Variants in NOSTRIN observed in about 807,000 individuals in gnomAD.
The protein encoded by NOSTRIN is nitric oxide synthase trafficking.
A neutral mutation model predicts 59.0 loss-of-function variants in NOSTRIN; 63 were observed. The ratio of observed to expected loss-of-function variants is 1.07; its 90% CI spans 0.87 to 1.32. The LOEUF (loss-of-function observed/expected upper bound fraction) is 1.32. NOSTRIN is among the 40% of genes most tolerant of loss of function. The probability of loss-of-function intolerance (pLI) is 0.00; values close to 1 mark genes in which losing one functional copy is unlikely to be tolerated. For missense variants in NOSTRIN, 512 were observed against 473.1 expected (o/e 1.08, Z -0.76); for synonymous variants, 200 against 165.4 (o/e 1.21, Z -1.61).
chr2:168,822,281 A>G (rs1686786083), intron 2 of NOSTRIN, among the ~76,000 whole-genome samples: 1 of 152,242 alleles, frequency 6.6e-6, no homozygotes, highest in South Asian at 2.1e-4. Flanking sequence ...AGGCCTTAGC[A>G]TACATCCTGC....
At chr2:168,798,327 A>G (rs1281817442), upstream of NOSTRIN, 1 of 152,190 alleles carries the variant, frequency 6.6e-6, no homozygotes, top group African/African-American at 2.4e-5. Context: ...TGGCTACTAA[A>G]GAAACTTCCA....
chr2:168,806,269 C>CA (rs962832640), intron 1 of NOSTRIN, among the ~76,000 whole-genome samples: 8 of 151,538 alleles, frequency 5.3e-5, no homozygotes, highest in Non-Finnish European at 8.8e-5. Context: ...CATCACTAAT[C>CA]AAAAAAAATC....
At position 168,807,135 on chromosome 2, in the gene NOSTRIN, C is replaced by A. The variant is rs1685894477; in HGVS notation, c.28-4432C>A. Among the ~76,000 whole-genome samples, 5 of 152,118 alleles carry A rather than the reference C, an allele frequency of 3.3e-5. 1 individual carries two copies. Among genetic ancestry groups the A allele is most frequent in the Non-Finnish European group, 7.4e-5 (5 of 68,026 alleles). ...GGCTTGCAAACTGTGCTCCATGGAA[C>A]CCTTTCAGAGTCCTCTCTGGTGGGT... On this transcript the variant is annotated intron_variant, in intron 1 of 15. Transcript: ENST00000317647.
intron 11 of NOSTRIN, 27 bp downstream of exon 11, chr2:168,855,487 A>G: frequency 7.8e-7 from 1 of 1,285,116 alleles, no homozygotes; most frequent in Non-Finnish European, 1.1e-6. Context: ...TTGAATGGCC[A>G]GAAAAGGGAC....
At chr2:168,817,369 T>C (rs1686467920) in intron 2 of NOSTRIN, among the ~76,000 whole-genome samples, 1 of 152,238 alleles carries the variant, frequency 6.6e-6, no homozygotes, top group Non-Finnish European at 1.5e-5. Context: ...GCTCAAGGGG[T>C]TTGTGGGGAG....
At chr2:168,833,637 C>T (rs896475938) in intron 6 of NOSTRIN, among the ~76,000 whole-genome samples, 15 of 152,188 alleles carry the variant, frequency 9.9e-5, no homozygotes, top group Non-Finnish European at 2.1e-4. Flanking sequence ...TCAGCATGAA[C>T]AGGGTAGGGA....
chr2:168,851,058 C>T lies in NOSTRIN; in HGVS notation c.631-26C>T, dbSNP rs553869999. On this transcript the variant is annotated intron_variant, in intron 8 of 15. Coordinates refer to ENST00000317647, the MANE Select transcript of NOSTRIN (RefSeq NM_001039724.4). ...CCATTTTGCATAACAACTGGCTGAT[C>T]TTACCCCAATTTTCATTCTTTTCAG... 1.1e-5 allele frequency: 14 copies of T among 1,309,684 alleles called. No homozygotes were observed. The East Asian group carries it at 3.0e-4, about 28-fold the overall frequency. 81.1% of individuals were successfully genotyped at this position (1,309,684 alleles called of 1,614,324 possible). A position where few individuals can be genotyped will look rare whatever the true frequency, so the allele number is the denominator to read the frequency against.
At chr2:168,808,847 T>C (rs960401472) in intron 1 of NOSTRIN, among the ~76,000 whole-genome samples, 1 of 152,184 alleles carries the variant, frequency 6.6e-6, no homozygotes, top group Non-Finnish European at 1.5e-5. Context: ...GAAATGTAAT[T>C]AGACAAATGT....
rs760261891 is a variant in NOSTRIN at position 168,834,266 on chromosome 2, G to A, written c.445G>A (p.Ala149Thr). 1.1e-6 allele frequency: 1 copy of A among 872,902 alleles called. No homozygotes were observed. Among genetic ancestry groups the A allele is most frequent in the Non-Finnish European group, 2.0e-6 (1 of 501,658 alleles). The allele number at this position is 872,902 out of a possible 1,614,324, so 54.1% of individuals were successfully genotyped here. Residue 149 changes from alanine to threonine, a missense_variant, in exon 7 of 16, where the codon GCA becomes ACA. By Grantham distance (58) the Ala-to-Thr change is moderately conservative (BLOSUM62 0). Transcript: ENST00000317647. Reference protein sequence around the residue: ...KLMVSTKKHEALFQLVESSKQ... With the variant: ...KLMVSTKKHETLFQLVESSKQ... ...AATGGTTAGTACCAAGAAACATGAA[G>A]CACTTTTCCAGCTTGTAGAAAGCTC... is the stretch of plus-strand genomic sequence containing the variant.
Position 168,865,151 on chromosome 2 carries a change from TG to T in NOSTRIN, c.*184del. On this transcript the variant is annotated 3_prime_UTR_variant, in exon 16 of 16. Coordinates refer to ENST00000317647, the MANE Select transcript of NOSTRIN (RefSeq NM_001039724.4). ...TTGAAACAGTCAGAAAAAAGATGGA[TG>T]GGTGGAGACAGACAAGGAAGAGGCT... 1 of 671,378 alleles carries T rather than the reference TG, an allele frequency of 1.5e-6. No individual in the cohort carries two copies. Among genetic ancestry groups the T allele is most frequent in the Non-Finnish European group, 2.4e-6 (1 of 410,058 alleles). The allele number at this position is 671,378 out of a possible 1,614,324, so 41.6% of individuals were successfully genotyped here.
intron 8 of NOSTRIN, among the ~76,000 whole-genome samples, chr2:168,845,578 T>A (rs1287980648): frequency 1.3e-5 from 2 of 152,154 alleles, no homozygotes; most frequent in African/African-American, 2.4e-5. Context: ...TCAGTTTCCT[T>A]TCCTCCTGTT....
intron 10 of NOSTRIN, among the ~76,000 whole-genome samples, chr2:168,853,849 C>T (rs1290123070): frequency 1.3e-5 from 2 of 152,094 alleles, no homozygotes; most frequent in East Asian, 3.9e-4. Context: ...GTAGGAGTTG[C>T]ATGTAATAAA....
At chr2:168,827,978 A>T (rs1687145654) in intron 3 of NOSTRIN, among the ~76,000 whole-genome samples, 180 bp from the exon 4 acceptor site, 1 of 152,224 alleles carries the variant, frequency 6.6e-6, no homozygotes, top group Non-Finnish European at 1.5e-5. Flanking sequence ...TATAATGAGT[A>T]TAGTGCAAAT....
chr2:168,789,807 C>T (rs993282775), intron 2 of NOSTRIN, among the ~76,000 whole-genome samples: 6 of 152,108 alleles, frequency 3.9e-5, no homozygotes, highest in Non-Finnish European at 8.8e-5. Flanking sequence ...AAAGTCAGAC[C>T]GAGAAACAAA....
rs762602565 is a variant in NOSTRIN, at chr2:168,851,403, T to G, written c.854T>G (p.Phe285Cys). Residue 285 changes from phenylalanine to cysteine, a missense_variant and splice_region_variant, in exon 10 of 16, where the codon TTT (phenylalanine) becomes TGT (cysteine). Phe to Cys is a radical substitution (Grantham distance 205). Transcript: ENST00000317647. ...TCTGAGTTCCTGTTAACGGATTACT[T>G]TGTGAGTATGAAATGGAAAAAAAAA... ...NKSEFLLTDY[F>C]EEDPNSAMDK... 1 of 1,606,504 alleles carries G rather than the reference T, an allele frequency of 6.2e-7. No individual in the cohort carries two copies. The highest frequency in any genetic ancestry group is 8.5e-7 in the Non-Finnish European group (1 of 1,178,076).
chr2:168,865,153 G>T lies in NOSTRIN; in HGVS notation c.*183G>T, dbSNP rs184878852. ...GAAACAGTCAGAAAAAAGATGGATG[G>T]GTGGAGACAGACAAGGAAGAGGCTC... On this transcript the variant is annotated 3_prime_UTR_variant, in exon 16 of 16. Coordinates refer to ENST00000317647, the MANE Select transcript of NOSTRIN (RefSeq NM_001039724.4). The T allele has an allele frequency of 1.6e-4, 102 of 652,460 alleles. 1 individual carries two copies. In the African/African-American group the frequency reaches 1.6e-3, roughly 11 times the overall value. The allele number at this position is 652,460 out of a possible 1,614,324, so 40.4% of individuals were successfully genotyped here.
chr2:168,799,664 G>C (rs909778139), upstream of NOSTRIN, among the ~76,000 whole-genome samples: 5 of 152,176 alleles, frequency 3.3e-5, no homozygotes, highest in African/African-American at 4.8e-5. Flanking sequence ...TATCCGTCTA[G>C]AGTCTTTTAT....
chr2:168,838,709 T>TAAACTCGA (rs1687882191), intron 7 of NOSTRIN, among the ~76,000 whole-genome samples: 1 of 152,040 alleles, frequency 6.6e-6, no homozygotes, highest in African/African-American at 2.4e-5. Flanking sequence ...TGACTTTTCT[T>TAAACTCGA]AAACTCGAAT....
At chr2:168,802,630 G>A (rs1685652290), upstream of NOSTRIN, 1 of 867,824 alleles carries the variant, frequency 1.2e-6, no homozygotes, top group African/African-American at 1.6e-5. Context: ...AAGGACAAAA[G>A]CCAGACACAT....
Sources: allele counts gnomAD v4.1 joint callset (sites outside exome capture counted in the v4.1 genomes callset), GRCh38; gene constraint gnomAD v4.1.1; transcripts MANE v1.5; gene names NCBI Gene and HGNC (gene_info 2026-07-23, HGNC 2026-07-21).